Variants in CNTN1 observed in about 807,000 individuals in gnomAD.
CNTN1 encodes the protein contactin-1.
A neutral mutation model predicts 126.4 loss-of-function variants in CNTN1; 38 were observed. That is an observed-to-expected ratio of 0.30 (90% CI 0.23 to 0.39). The LOEUF is 0.39. Ranked by LOEUF, CNTN1 falls within the 10% of genes least tolerant of loss-of-function variation. The pLI is 1.00. For synonymous variants in CNTN1, 413 were observed against 422.6 expected, an observed-to-expected ratio of 0.98 and a Z score of 0.28; for missense variants, 1,009 against 1,248.4, an observed-to-expected ratio of 0.81 and a Z score of 2.89.
In CNTN1 at chr12:41,071,494, G is replaced by A. The variant is rs889464100; in HGVS notation, c.*1459G>A. ...TTTAGAAAGGACACCGTATAGGTTCGTAAAAAATATTTACAGGAAGCAAAA... is the reference window on the plus strand; with the variant it reads ...TTTAGAAAGGACACCGTATAGGTTCATAAAAAATATTTACAGGAAGCAAAA... On this transcript the variant is annotated 3_prime_UTR_variant, in exon 24 of 24. Transcript: ENST00000551295. 8.5e-5 allele frequency: 13 copies of A among 152,120 alleles called. No individual in the cohort carries two copies. The highest frequency in any genetic ancestry group is 3.1e-4 in the African/African-American group (13 of 41,428). The allele number at this position is 152,120 out of a possible 1,614,324, so 9.4% of individuals were successfully genotyped here. A position where few individuals can be genotyped will look rare whatever the true frequency, so the allele number is the denominator to read the frequency against.
intron 14 of CNTN1, among the ~76,000 whole-genome samples, chr12:40,951,116 T>A (rs1342916293): frequency 6.6e-6 from 1 of 152,120 alleles, no homozygotes; most frequent in Non-Finnish European, 1.5e-5. Flanking sequence ...AAAACATAGG[T>A]TCCAAATCAA....
chr12:40,793,335 A>G (rs970763509), intron 1 of CNTN1, among the ~76,000 whole-genome samples: 1 of 152,056 alleles, frequency 6.6e-6, no homozygotes, highest in African/African-American at 2.4e-5. Flanking sequence ...CCATATGCAC[A>G]TTAAGAGAAA....
chr12:40,797,136 T>C (rs1940468761), intron 1 of CNTN1, among the ~76,000 whole-genome samples: 2 of 152,104 alleles, frequency 1.3e-5, no homozygotes, highest in South Asian at 4.2e-4. Flanking sequence ...AATACAGTGA[T>C]AAATAGCAGA....
intron 1 of CNTN1, among the ~76,000 whole-genome samples, chr12:40,699,804 C>A (rs1186022976): frequency 1.3e-5 from 2 of 151,734 alleles, no homozygotes; most frequent in Non-Finnish European, 2.9e-5. Context: ...CAAGGTTACA[C>A]GTTAGTGGCA....
chr12:40,717,778 C>A (rs940158052), intron 1 of CNTN1, among the ~76,000 whole-genome samples: 1 of 152,168 alleles, frequency 6.6e-6, no homozygotes, highest in African/African-American at 2.4e-5. Context: ...ACATGGGACA[C>A]CTGGTGGATT....
chr12:40,724,433 T>C (rs551247932), intron 1 of CNTN1, among the ~76,000 whole-genome samples: 7 of 152,370 alleles, frequency 4.6e-5, no homozygotes, highest in African/African-American at 1.7e-4. Flanking sequence ...AGATCCTGTC[T>C]TGACTTCCAA....
Position 41,043,870 on chromosome 12 carries a change from A to G in CNTN1, c.2980+14651A>G, listed in dbSNP as rs1448273862. Among the ~76,000 whole-genome samples, 4 of 150,060 alleles carry G rather than the reference A, an allele frequency of 2.7e-5. No individual in the cohort carries two copies. In the Admixed American group the frequency reaches 2.7e-4, roughly 10 times the overall value. On this transcript the variant is annotated intron_variant, in intron 23 of 23. Coordinates refer to ENST00000551295, the MANE Select transcript of CNTN1 (RefSeq NM_001843.4). ...TGTAGGGACATGGATGAAATTGGAA[A>G]TCATCATTCTCAGTAAACTATCGCA... is the stretch of plus-strand genomic sequence containing the variant.
At chr12:41,002,181 A>G (rs1208570019) in intron 17 of CNTN1, among the ~76,000 whole-genome samples, 2 of 152,118 alleles carry the variant, frequency 1.3e-5, no homozygotes, top group Non-Finnish European at 2.9e-5. Flanking sequence ...AAGAATCTCA[A>G]TGGTAATTTA....
intron 1 of CNTN1, among the ~76,000 whole-genome samples, chr12:40,848,035 C>T (rs1199737291): frequency 6.6e-6 from 1 of 152,206 alleles, no homozygotes; most frequent in Non-Finnish European, 1.5e-5. Context: ...TGCTTGCCTG[C>T]ACTCTGCTCA....
At chr12:40,855,351 A>G (rs1316038782) in intron 1 of CNTN1, among the ~76,000 whole-genome samples, 1 of 152,108 alleles carries the variant, frequency 6.6e-6, no homozygotes, top group Non-Finnish European at 1.5e-5. Context: ...AGTATCCATT[A>G]GAGTCTGAAT....
chr12:40,892,883 A>G (rs1160337473), intron 1 of CNTN1, among the ~76,000 whole-genome samples: 2 of 149,690 alleles, frequency 1.3e-5, no homozygotes, highest in African/African-American at 2.5e-5. Context: ...CACAATATCA[A>G]TCATTACAAA....
At chr12:41,065,940 TG>T (rs1358989790) in intron 23 of CNTN1, among the ~76,000 whole-genome samples, 2 of 152,256 alleles carry the variant, frequency 1.3e-5, no homozygotes, top group Non-Finnish European at 2.9e-5. Flanking sequence ...TTCTCAAACG[TG>T]CTGTCCCAGC....
chr12:40,738,205 T>C (rs1937778053), intron 1 of CNTN1, among the ~76,000 whole-genome samples: 2 of 152,018 alleles, frequency 1.3e-5, no homozygotes, highest in South Asian at 4.1e-4. Flanking sequence ...GAGTGTACAA[T>C]GTTGAACAAA....
At chr12:40,851,795 G>C (rs987698124) in intron 1 of CNTN1, among the ~76,000 whole-genome samples, 3 of 152,110 alleles carry the variant, frequency 2.0e-5, no homozygotes, top group African/African-American at 4.8e-5. Context: ...GAAGTGGGGT[G>C]GTCTAAGGCA....
intron 4 of CNTN1, among the ~76,000 whole-genome samples, chr12:40,921,301 G>A (rs1042263391): frequency 1.2e-4 from 18 of 152,210 alleles, no homozygotes; most frequent in African/African-American, 3.6e-4. Flanking sequence ...ATGTGGCCAC[G>A]AGCCACTACT....
chr12:40,856,329 A>C lies in CNTN1; in HGVS notation c.-76-52028A>C, dbSNP rs371057904. Among the ~76,000 whole-genome samples, 13 of 152,118 alleles carry C rather than the reference A, an allele frequency of 8.5e-5. No homozygotes were observed. In the East Asian group the frequency reaches 2.5e-3, roughly 29 times the overall value. On this transcript the variant is annotated intron_variant, in intron 1 of 23. Transcript: ENST00000551295. The stretch of plus-strand genomic sequence containing the variant: ...AAGAAAGAGAAATATAAGGTGAAAA[A>C]CTCAATAAATTTCTGTATTGTGTTA...
chr12:40,757,778 T>G (rs1189866564), intron 1 of CNTN1, among the ~76,000 whole-genome samples: 1 of 152,092 alleles, frequency 6.6e-6, no homozygotes. Flanking sequence ...AAGAAAAAAA[T>G]AAAACCATTT....
At chr12:40,909,054 A>G (rs1944934600) in intron 2 of CNTN1, among the ~76,000 whole-genome samples, 3 of 152,138 alleles carry the variant, frequency 2.0e-5, no homozygotes, top group African/African-American at 7.2e-5. Context: ...ATTAATAATC[A>G]CTTCTTAAGA....
At chr12:40,718,254 C>A (rs1592006360) in intron 1 of CNTN1, among the ~76,000 whole-genome samples, 1 of 152,134 alleles carries the variant, frequency 6.6e-6, no homozygotes, top group Admixed American at 6.5e-5. Context: ...CTGCAACCTC[C>A]ACCTCCCAGG....
Sources: gnomAD v4.1 joint callset for allele counts (sites outside exome capture counted in the v4.1 genomes callset) on GRCh38, gnomAD v4.1.1 for gene constraint, MANE v1.5 for transcripts, NCBI Gene and HGNC (gene_info 2026-07-23, HGNC 2026-07-21) for gene names.